MAP2K6: variants seen among roughly 807,000 people sequenced by gnomAD.
The protein encoded by MAP2K6 is mitogen-activated protein kinase kinase 6.
MAP2K6 carries 16 observed loss-of-function variants against 53.7 expected under a neutral mutation model. The ratio of observed to expected loss-of-function variants is 0.30; its 90% confidence interval spans 0.20 to 0.45. The LOEUF (loss-of-function observed/expected upper bound fraction) is 0.45. Ranked by LOEUF, MAP2K6 falls within the 20% of genes least tolerant of loss-of-function variation. The probability of loss-of-function intolerance (pLI) is 1.00; values close to 1 mark genes in which losing one functional copy is unlikely to be tolerated. For synonymous variants in MAP2K6, 132 were observed against 143.1 expected, an observed-to-expected ratio of 0.92 and a Z score of 0.55; for missense variants, 204 against 411.9, an observed-to-expected ratio of 0.50 and a Z score of 4.37.
At chr17:69,525,051 A>G in intron 9 of MAP2K6, 73 bp downstream of exon 9, 1 of 1,325,672 alleles carries the variant, frequency 7.5e-7, no homozygotes, top group South Asian at 1.2e-5. Context: ...CGTTGGGTTC[A>G]AGAAACAAAT....
At chr17:69,421,957 G>C (rs900458820) in intron 1 of MAP2K6, among the ~76,000 whole-genome samples, 2 of 151,848 alleles carry the variant, frequency 1.3e-5, no homozygotes, top group African/African-American at 4.8e-5. Flanking sequence ...CACTGCCTCT[G>C]CCCAGCCCCT....
At position 69,547,980 on chromosome 17, in the gene MAP2K6, G is replaced by A. The variant is rs1418269096; in HGVS notation, c.*6227G>A. The A allele has an allele frequency of 1.3e-5, 2 of 152,142 alleles. No homozygotes were observed. Among genetic ancestry groups the A allele is most frequent in the Non-Finnish European group, 2.9e-5 (2 of 68,018 alleles). 9.4% of individuals were successfully genotyped at this position (152,142 alleles called of 1,614,324 possible). A position where few individuals can be genotyped will look rare whatever the true frequency, so the allele number is the denominator to read the frequency against. On this transcript the variant is annotated 3_prime_UTR_variant, in exon 12 of 12. Coordinates refer to ENST00000590474, the MANE Select transcript of MAP2K6 (RefSeq NM_002758.4). ...TTGGGAGGTCAGACTTACCTCAAACGTAGAAGAAGGCAGATAGAGTTCTTA... is the reference window on the plus strand; with the variant it reads ...TTGGGAGGTCAGACTTACCTCAAACATAGAAGAAGGCAGATAGAGTTCTTA...
chr17:69,529,844 T>C (rs1910987797), intron 10 of MAP2K6, among the ~76,000 whole-genome samples: 1 of 152,168 alleles, frequency 6.6e-6, no homozygotes, highest in African/African-American at 2.4e-5. Flanking sequence ...CACACATATA[T>C]GGAAGTTCCA....
intron 11 of MAP2K6, among the ~76,000 whole-genome samples, chr17:69,536,369 G>GT (rs1189100315): frequency 1.3e-5 from 2 of 152,124 alleles, no homozygotes; most frequent in African/African-American, 4.8e-5. Flanking sequence ...ATTCTTAGTA[G>GT]TTTTTTTCCA....
At chr17:69,420,169 G>A (rs1906031861) in intron 1 of MAP2K6, among the ~76,000 whole-genome samples, 1 of 152,116 alleles carries the variant, frequency 6.6e-6, no homozygotes, top group African/African-American at 2.4e-5. Flanking sequence ...GAAAAATGTA[G>A]TGATCTGATT....
In MAP2K6 at chr17:69,481,523, G is replaced by A. The variant is rs970401653; in HGVS notation, c.17-24257G>A. Among the ~76,000 whole-genome samples, 15 of 152,284 alleles carry A rather than the reference G, an allele frequency of 9.9e-5. 1 individual carries two copies. Among genetic ancestry groups the A allele is most frequent in the Admixed American group, 5.9e-4 (9 of 15,296 alleles). Reference sequence around the variant, plus strand: ...TTAGTTTGCTAGGGCTGTCATAACAGAGTCCCTAGACTGAGTGACTTAAAT... The same window carrying A: ...TTAGTTTGCTAGGGCTGTCATAACAAAGTCCCTAGACTGAGTGACTTAAAT... On this transcript the variant is annotated intron_variant, in intron 1 of 11. Transcript: ENST00000590474.
intron 1 of MAP2K6, among the ~76,000 whole-genome samples, chr17:69,428,792 A>G (rs1263325942): frequency 6.6e-6 from 1 of 151,906 alleles, no homozygotes; most frequent in Non-Finnish European, 1.5e-5. Flanking sequence ...AGAATAAGGA[A>G]GTAAAACAAG....
chr17:69,495,272 C>T (rs1031889355), intron 1 of MAP2K6, among the ~76,000 whole-genome samples: 1 of 151,316 alleles, frequency 6.6e-6, no homozygotes, highest in Non-Finnish European at 1.5e-5. Flanking sequence ...GAGTCTCGCT[C>T]TTGTCGCCCA....
intron 1 of MAP2K6, among the ~76,000 whole-genome samples, chr17:69,429,760 G>A (rs1451603639): frequency 6.6e-6 from 1 of 152,176 alleles, no homozygotes; most frequent in Non-Finnish European, 1.5e-5. Context: ...TCAGTGGAAA[G>A]GAACTTTTCC....
chr17:69,468,725 T>C (rs909190497), intron 1 of MAP2K6, among the ~76,000 whole-genome samples: 2 of 152,210 alleles, frequency 1.3e-5, no homozygotes, highest in Non-Finnish European at 2.9e-5. Flanking sequence ...TGTTTCTGGT[T>C]GGGCCAGTAA....
chr17:69,418,524 T>C (rs1905974852), intron 1 of MAP2K6, among the ~76,000 whole-genome samples: 4 of 104,422 alleles, frequency 3.8e-5, no homozygotes, highest in African/African-American at 9.0e-5. Context: ...ATTTATTCTC[T>C]TGGACTTTTT....
chr17:69,546,061 G>T lies in MAP2K6; in HGVS notation c.*4308G>T, dbSNP rs541701110. The T allele has an allele frequency of 1.3e-5, 2 of 151,722 alleles. No homozygotes were observed. Among genetic ancestry groups the T allele is most frequent in the South Asian group, 4.1e-4 (2 of 4,824 alleles). 9.4% of individuals were successfully genotyped at this position (151,722 alleles called of 1,614,324 possible). ...AAATGTACAACATCTTGCTTAGCCT[G>T]TGTGTGTTCTGTGGTACCTTGGAAT... is the stretch of plus-strand genomic sequence containing the variant. On this transcript the variant is annotated 3_prime_UTR_variant, in exon 12 of 12. Transcript: ENST00000590474.
At chr17:69,451,179 G>C (rs926155402) in intron 1 of MAP2K6, among the ~76,000 whole-genome samples, 1 of 152,206 alleles carries the variant, frequency 6.6e-6, no homozygotes, top group Non-Finnish European at 1.5e-5. Flanking sequence ...GGCTATCAGT[G>C]GTGTGCTCAA....
At chr17:69,477,145 A>G (rs1216689922) in intron 1 of MAP2K6, 1 of 152,214 alleles carries the variant, frequency 6.6e-6, no homozygotes, top group East Asian at 1.9e-4. Flanking sequence ...AATTGCATGC[A>G]AGAGACTTAT....
At chr17:69,467,937 T>C (rs1907868381) in intron 1 of MAP2K6, among the ~76,000 whole-genome samples, 1 of 152,060 alleles carries the variant, frequency 6.6e-6, no homozygotes, top group East Asian at 1.9e-4. Context: ...AGCTAATTTT[T>C]GTATTTTTAG....
intron 7 of MAP2K6, 85 bp from the exon 8 acceptor site, chr17:69,523,429 T>A: frequency 6.4e-7 from 1 of 1,560,164 alleles, no homozygotes; most frequent in Non-Finnish European, 8.8e-7. Context: ...GAAGGACAAA[T>A]GGAGATTTTA....
At chr17:69,516,814 C>T (rs745964775) in intron 2 of MAP2K6, 41 bp from the exon 3 acceptor site, 6 of 1,439,678 alleles carry the variant, frequency 4.2e-6, no homozygotes, top group Admixed American at 1.7e-5. Context: ...ATAATTGACT[C>T]AATAGCTTAT....
At chr17:69,519,703 C>A in intron 5 of MAP2K6, 1 of 390,528 alleles carries the variant, frequency 2.6e-6, no homozygotes, top group Non-Finnish European at 4.6e-6. Flanking sequence ...TTCTATATCG[C>A]CTATAGACTG....
intron 1 of MAP2K6, among the ~76,000 whole-genome samples, chr17:69,476,635 C>G (rs1412366873): frequency 6.6e-6 from 1 of 152,192 alleles, no homozygotes; most frequent in Non-Finnish European, 1.5e-5. Flanking sequence ...TGCAGAGACC[C>G]TAAAGGCAGA....
Sources: allele counts gnomAD v4.1 joint callset (sites outside exome capture counted in the v4.1 genomes callset), GRCh38; gene constraint gnomAD v4.1.1; transcripts MANE v1.5; gene names NCBI Gene and HGNC (gene_info 2026-07-23, HGNC 2026-07-21).